COTL1: variants seen among roughly 807,000 people sequenced by gnomAD.
The protein encoded by COTL1 is coactosin like F-actin binding protein 1, also known as coactosin-like protein.
COTL1 carries 15 observed loss-of-function variants against 16.5 expected under a neutral mutation model. That is an observed-to-expected ratio of 0.91 (90% CI 0.61 to 1.40). COTL1 has a LOEUF of 1.40. COTL1 is among the 40% of genes most tolerant of loss of function. COTL1 has a pLI of 0.00. For synonymous variants in COTL1, 112 were observed against 85.3 expected, an observed-to-expected ratio of 1.31 and a Z score of -1.73; for missense variants, 220 against 201.5, an observed-to-expected ratio of 1.09 and a Z score of -0.56.
intron 2 of COTL1, among the ~76,000 whole-genome samples, chr16:84,607,153 C>G (rs1905227122): frequency 6.6e-6 from 1 of 152,190 alleles, no homozygotes; most frequent in South Asian, 2.1e-4. Context: ...GTTGAAGAAA[C>G]AGACATGCAC....
At chr16:84,608,015 G>A (rs1031097752) in intron 2 of COTL1, among the ~76,000 whole-genome samples, 1 of 152,186 alleles carries the variant, frequency 6.6e-6, no homozygotes, top group Non-Finnish European at 1.5e-5. Context: ...CACAAGCGAG[G>A]GGGACTATCT....
intron 2 of COTL1, among the ~76,000 whole-genome samples, chr16:84,608,252 G>A (rs541474482): frequency 6.6e-6 from 1 of 152,190 alleles, no homozygotes; most frequent in Non-Finnish European, 1.5e-5. Context: ...CTTTCAAAAA[G>A]TTTGCATTAA....
chr16:84,567,087 CAG>C (rs1904302154), intron 3 of COTL1, 132 bp from the exon 4 acceptor site: 4 of 616,384 alleles, frequency 6.5e-6, no homozygotes, highest in Non-Finnish European at 8.8e-6. Context: ...AATTCAGCAG[CAG>C]AGTCAGTCAA....
chr16:84,599,312 C>G (rs1285920499), intron 2 of COTL1, among the ~76,000 whole-genome samples: 4 of 152,192 alleles, frequency 2.6e-5, no homozygotes, highest in Non-Finnish European at 5.9e-5. Flanking sequence ...TGCTATGGGT[C>G]GAGCACTGTG....
At chr16:84,617,464 A>G (rs549222468) in intron 2 of COTL1, 37 bp downstream of exon 2, 25 of 1,541,878 alleles carry the variant, frequency 1.6e-5, no homozygotes, top group Admixed American at 2.0e-5. Flanking sequence ...CAACCTCCCA[A>G]CGACCGCGCA....
At chr16:84,599,736 G>A (rs897827230) in intron 2 of COTL1, among the ~76,000 whole-genome samples, 11 of 152,166 alleles carry the variant, frequency 7.2e-5, no homozygotes, top group African/African-American at 1.2e-4. Flanking sequence ...CAGAGACTCC[G>A]GAGAGGTTAT....
At chr16:84,577,912 A>G (rs2150682382) in intron 3 of COTL1, among the ~76,000 whole-genome samples, 1 of 152,334 alleles carries the variant, frequency 6.6e-6, no homozygotes, top group East Asian at 1.9e-4. Flanking sequence ...CATTTGGGCA[A>G]CTGCCTGGAG....
rs796389323 is a variant in COTL1 at position 84,590,671 on chromosome 16, C to T, written c.161-409G>A. Among the ~76,000 whole-genome samples, 2 of 152,298 alleles carry T rather than the reference C, an allele frequency of 1.3e-5. No homozygotes were observed. The highest frequency in any genetic ancestry group is 4.8e-5 in the African/African-American group (2 of 41,556). ...CAGATGTGGGTGCCGCCAGCAGTGC[C>T]AGGGCCCAGCCAAAAAAAATTTAAA... is the stretch of plus-strand genomic sequence containing the variant. On this transcript the variant is annotated intron_variant, in intron 2 of 3. Transcript: ENST00000262428. The surrounding 1 kb of genome is among the most constrained non-coding windows in gnomAD (Gnocchi z 5.5).
chr16:84,598,125 C>T (rs528051405), intron 2 of COTL1, among the ~76,000 whole-genome samples: 2 of 152,292 alleles, frequency 1.3e-5, no homozygotes, highest in Admixed American at 6.5e-5. Context: ...GAGCCCAGGC[C>T]AATTGCACGC....
intron 2 of COTL1, among the ~76,000 whole-genome samples, chr16:84,614,235 A>G (rs913001006): frequency 1.3e-5 from 2 of 152,266 alleles, no homozygotes; most frequent in African/African-American, 4.8e-5. Context: ...TGGAGCAAGA[A>G]GCAAGAGCGG....
chr16:84,565,881 G>A lies in COTL1; in HGVS notation c.*964C>T, dbSNP rs11041. 5.3e-5 allele frequency: 8 copies of A among 152,282 alleles called. No homozygotes were observed. The highest frequency in any genetic ancestry group is 9.6e-5 in the African/African-American group (4 of 41,476). 9.4% of individuals were successfully genotyped at this position (152,282 alleles called of 1,614,324 possible). A position where few individuals can be genotyped will look rare whatever the true frequency, so the allele number is the denominator to read the frequency against. On this transcript the variant is annotated 3_prime_UTR_variant, in exon 4 of 4. Coordinates refer to ENST00000262428, the MANE Select transcript of COTL1 (RefSeq NM_021149.5). ...GCTTTGCTCAGCTCACAGCTAGCGC[G>A]GCGGGCAGAGCAACCCTTCGGCCCA...
chr16:84,593,127 A>T (rs1469940833), intron 2 of COTL1, among the ~76,000 whole-genome samples: 2 of 152,258 alleles, frequency 1.3e-5, no homozygotes, highest in Admixed American at 6.5e-5. Context: ...AGGCCACGTG[A>T]TGTGGCCAGA....
intron 3 of COTL1, among the ~76,000 whole-genome samples, chr16:84,573,754 T>A (rs1158218605): frequency 2.7e-4 from 27 of 100,722 alleles, no homozygotes; most frequent in African/African-American, 9.5e-4. Flanking sequence ...AAAAAAAAAA[T>A]ATATATATAT....
chr16:84,617,625 GCTGGTGGCCGCGCGA>G, intron 1 of COTL1, 42 bp from the exon 2 acceptor site: 1 of 1,530,464 alleles, frequency 6.5e-7, no homozygotes, highest in Non-Finnish European at 8.9e-7. Context: ...ACACATCAGC[GCTGGTGGCCGCGCGA>G]CGCGGCGCTT....
chr16:84,615,532 A>C (rs1157672376), intron 2 of COTL1, among the ~76,000 whole-genome samples: 3 of 152,164 alleles, frequency 2.0e-5, no homozygotes, highest in Non-Finnish European at 4.4e-5. Flanking sequence ...GAAGGGAGGG[A>C]TGGGTGACCA....
chr16:84,613,589 A>T (rs1400061082), intron 2 of COTL1, among the ~76,000 whole-genome samples: 1 of 152,194 alleles, frequency 6.6e-6, no homozygotes, highest in Non-Finnish European at 1.5e-5. Context: ...AGGGAGCCAT[A>T]GAAGGTTAAT....
In COTL1 at chr16:84,590,041, C is replaced by A. The variant is rs1037925588; in HGVS notation, c.318+64G>T. ...ACCCAGGAGTCGAACCCAGCCCTCT[C>A]CCTCCTTGCAGGATGGTGACCCTTG... On this transcript the variant is annotated intron_variant, in intron 3 of 3. Coordinates refer to ENST00000262428, the MANE Select transcript of COTL1 (RefSeq NM_021149.5). This position sits in a 1 kb window ranked among gnomAD's most constrained non-coding sequence, Gnocchi z 5.5. 42 of 1,535,714 alleles carry A rather than the reference C, an allele frequency of 2.7e-5. No homozygotes were observed. The highest frequency in any genetic ancestry group is 3.6e-5 in the Non-Finnish European group (41 of 1,126,800).
chr16:84,573,253 G>A (rs544012904), intron 3 of COTL1, among the ~76,000 whole-genome samples: 7 of 152,226 alleles, frequency 4.6e-5, no homozygotes, highest in Admixed American at 3.9e-4. Flanking sequence ...TGTGCCCTCC[G>A]GGTATACGGC....
At chr16:84,570,798 A>G (rs1904324048) in intron 3 of COTL1, among the ~76,000 whole-genome samples, 1 of 152,170 alleles carries the variant, frequency 6.6e-6, no homozygotes, top group African/African-American at 2.4e-5. Context: ...TCGTCCAGCA[A>G]TCCGATTACT....
Sources: gnomAD v4.1 joint callset for allele counts (sites outside exome capture counted in the v4.1 genomes callset) on GRCh38, gnomAD v4.1.1 for gene constraint, Gnocchi (gnomAD v3.1) non-coding constraint, MANE v1.5 for transcripts, NCBI Gene and HGNC (gene_info 2026-07-23, HGNC 2026-07-21) for gene names.